The following ICE1 variants were observed in gnomAD, a reference collection of about 807,000 sequenced individuals.
ICE1 encodes interactor of little elongation complex ELL subunit 1, also known as little elongation complex subunit 1.
Under a neutral mutation model 192.7 loss-of-function variants are expected in ICE1, and 64 were observed. The observed-to-expected ratio is 0.33, with a 90% CI of 0.27 to 0.41. The LOEUF (loss-of-function observed/expected upper bound fraction) is 0.41, where lower values mean the gene tolerates loss of function less well. ICE1 is among the 10% of genes least tolerant of loss of function. The pLI is 1.00. For missense variants in ICE1, 2,708 were observed against 2,696.0 expected, an observed-to-expected ratio of 1.00 and a Z score of -0.10; for synonymous variants, 1,010 against 984.5, an observed-to-expected ratio of 1.03 and a Z score of -0.49.
At position 5,481,055 on chromosome 5, in the gene ICE1, A is replaced by G. The variant is rs1160799380; in HGVS notation, c.6520+4976A>G. ...AGGAGGGTCAGTGATGGCATTCCCCATAGTTAGGTGACATCTATATATCTG... is the reference window on the plus strand; with the variant it reads ...AGGAGGGTCAGTGATGGCATTCCCCGTAGTTAGGTGACATCTATATATCTG... On this transcript the variant is annotated intron_variant, in intron 17 of 18. Coordinates refer to ENST00000296564, the MANE Select transcript of ICE1 (RefSeq NM_015325.3). Among the ~76,000 whole-genome samples, 7 of 152,164 alleles carry G rather than the reference A, an allele frequency of 4.6e-5. No homozygotes were observed. In the East Asian group the frequency reaches 7.7e-4, roughly 17 times the overall value.
chr5:5,439,811 A>G, intron 3 of ICE1, 84 bp from the exon 4 acceptor site: 1 of 892,140 alleles, frequency 1.1e-6, no homozygotes, highest in Admixed American at 2.9e-5. Context: ...AACACAAATT[A>G]TTAAAGATAA....
intron 10 of ICE1, among the ~76,000 whole-genome samples, chr5:5,451,183 AG>A (rs1738403871): frequency 6.6e-6 from 1 of 152,204 alleles, no homozygotes; most frequent in South Asian, 2.1e-4. Context: ...CTTTGGTAAC[AG>A]AGAAAATAAG....
intron 14 of ICE1, among the ~76,000 whole-genome samples, chr5:5,468,260 T>C (rs140102210): frequency 2.0e-5 from 3 of 152,330 alleles, no homozygotes; most frequent in Non-Finnish European, 2.9e-5. Context: ...TGAGGTGATA[T>C]ACTGCAGAGC....
In ICE1 at chr5:5,466,444, T is replaced by C; in HGVS notation, c.6003T>C (p.Cys2001=). ...HALCRVYVGI[C]RQLGDLERAR... The stretch of plus-strand genomic sequence containing the variant: ...TCTGCAGGGTGTATGTGGGTATTTG[T>C]CGGCAACTCGGAGACTTGGAAAGAG... The change falls in exon 14 of 19, where the codon TGT becomes TGC. Residue 2001 remains cysteine, a synonymous_variant. Transcript: ENST00000296564. The C allele has an allele frequency of 1.9e-6, 3 of 1,613,638 alleles. No homozygotes were observed. The highest frequency in any genetic ancestry group is 1.7e-5 in the Admixed American group (1 of 59,954).
Position 5,464,996 on chromosome 5 carries a change from A to C in ICE1, c.5662A>C (p.Ser1888Arg). ...AGTTGCAACAACAAATGAGGAAAGA[A>C]GTTGTTCTAGTCCAGCCGTCAGTGC... ...AEVATTNEER[S>R]CSSPAVSAVS... Residue 1888 changes from serine (S) to arginine (R), a missense_variant, in exon 13 of 19, where the codon AGT (serine) becomes CGT (arginine). By Grantham distance (110) the Ser-to-Arg change is moderately radical. Around this residue, in one of 2 missense-constraint regions of ICE1, gnomAD observed 2,366 missense variants for 2,276.6 expected, o/e 1.04. Transcript: ENST00000296564. This position sits in a 1 kb window ranked among gnomAD's most constrained non-coding sequence, Gnocchi z 4.0. The C allele has an allele frequency of 1.2e-6, 2 of 1,613,942 alleles. No individual in the cohort carries two copies. Among genetic ancestry groups the C allele is most frequent in the Non-Finnish European group, 1.7e-6 (2 of 1,179,844 alleles).
intron 17 of ICE1, among the ~76,000 whole-genome samples, chr5:5,484,158 C>T (rs1386985646): frequency 1.3e-5 from 2 of 152,112 alleles, no homozygotes; most frequent in South Asian, 2.1e-4. Context: ...TCCATCATGG[C>T]CAATCTGTCA....
chr5:5,465,264 C>T (rs1235671093), intron 13 of ICE1, 38 bp downstream of exon 13: 1 of 1,402,996 alleles, frequency 7.1e-7, no homozygotes, highest in Non-Finnish European at 9.7e-7. Flanking sequence ...TTAGGGATTA[C>T]ATGTCCTCAA....
intron 1 of ICE1, among the ~76,000 whole-genome samples, chr5:5,431,586 G>T (rs1377976229): frequency 6.6e-6 from 1 of 152,164 alleles, no homozygotes; most frequent in Non-Finnish European, 1.5e-5. Flanking sequence ...CATTTCGAAG[G>T]CTTGCTTTCT....
chr5:5,427,207 A>G (rs1737550798), intron 1 of ICE1, among the ~76,000 whole-genome samples: 1 of 152,180 alleles, frequency 6.6e-6, no homozygotes, highest in Admixed American at 6.5e-5. Context: ...CTCACAAATC[A>G]CTTCATATCT....
rs556531306 is a variant in ICE1, at chr5:5,423,027, C to CG, written c.84+36dup. 3.7e-3 allele frequency: 4,871 copies of CG among 1,312,904 alleles called. 114 individuals are homozygous for CG. In the East Asian group the frequency reaches 0.058, roughly 16 times the overall value. 81.3% of individuals were successfully genotyped at this position (1,312,904 alleles called of 1,614,324 possible). A position where few individuals can be genotyped will look rare whatever the true frequency, so the allele number is the denominator to read the frequency against. ...GCAGCACCTCCCGGGGCCCCGGGCG[C>CG]GGGGGGGGACTCGGCTCGGCCGGCC... On this transcript the variant is annotated intron_variant, in intron 1 of 18. Transcript: ENST00000296564.
chr5:5,435,361 A>C (rs1174597956), intron 1 of ICE1, among the ~76,000 whole-genome samples: 1 of 152,246 alleles, frequency 6.6e-6, no homozygotes, highest in African/African-American at 2.4e-5. Context: ...GTAACTATCA[A>C]AATCATTTGG....
intron 1 of ICE1, among the ~76,000 whole-genome samples, chr5:5,430,256 C>T (rs1737663294): frequency 6.6e-6 from 1 of 152,080 alleles, no homozygotes; most frequent in South Asian, 2.1e-4. Flanking sequence ...TATTTAGAGG[C>T]CTTGGTTTCA....
In ICE1 at chr5:5,443,246, TA is replaced by T; in HGVS notation, c.386+4del. On this transcript the variant is annotated splice_donor_region_variant and intron_variant, in intron 6 of 18. Coordinates refer to ENST00000296564, the MANE Select transcript of ICE1 (RefSeq NM_015325.3). ...AGAATGCTTGAAGAGTGATGCTCAGTAAGTAGTTACTAAATTACTATAGAAA... is the reference window on the plus strand; with the variant it reads ...AGAATGCTTGAAGAGTGATGCTCAGTAGTAGTTACTAAATTACTATAGAAA... 7.0e-7 allele frequency: 1 copy of T among 1,434,320 alleles called. No individual in the cohort carries two copies. The highest frequency in any genetic ancestry group is 9.4e-7 in the Non-Finnish European group (1 of 1,064,854). The allele number at this position is 1,434,320 out of a possible 1,614,324, so 88.8% of individuals were successfully genotyped here. A position where few individuals can be genotyped will look rare whatever the true frequency, so the allele number is the denominator to read the frequency against.
At chr5:5,484,482 A>T (rs1739585621) in intron 17 of ICE1, among the ~76,000 whole-genome samples, 1 of 152,232 alleles carries the variant, frequency 6.6e-6, no homozygotes. Flanking sequence ...TAGCAGTTTA[A>T]TCTGATTGCA....
rs1341895277 is a variant in ICE1 at position 5,463,492 on chromosome 5, T to A, written c.4158T>A (p.Ser1386=). The A allele has an allele frequency of 1.2e-6, 2 of 1,613,224 alleles. No individual in the cohort carries two copies. Among genetic ancestry groups the A allele is most frequent in the Non-Finnish European group, 1.7e-6 (2 of 1,179,496 alleles). The change falls in exon 13 of 19, where the codon TCT becomes TCA. Residue 1386 remains serine (S), a synonymous_variant. Transcript: ENST00000296564. ...SVMEPSIEQS[S]NCEAETTFQC... ...TGGAGCCATCCATAGAGCAAAGTTCTAACTGCGAGGCCGAAACAACATTTC... is the reference window on the plus strand; with the variant it reads ...TGGAGCCATCCATAGAGCAAAGTTCAAACTGCGAGGCCGAAACAACATTTC...
intron 5 of ICE1, among the ~76,000 whole-genome samples, chr5:5,441,632 G>A (rs1266549617): frequency 2.0e-5 from 3 of 152,220 alleles, no homozygotes; most frequent in Non-Finnish European, 4.4e-5. Flanking sequence ...TATTTCTTCA[G>A]TGGCTCTGGC....
In ICE1 at chr5:5,441,696, A is replaced by G. The variant is rs537579813; in HGVS notation, c.309+473A>G. 4.3e-4 allele frequency among the ~76,000 whole-genome samples: 66 copies of G among 152,252 alleles called. 1 individual carries two copies. Among genetic ancestry groups the G allele is most frequent in the Non-Finnish European group, 2.4e-4 (16 of 68,016 alleles). Reference sequence around the variant, plus strand: ...AAGCGTGTAGGGCTTCTGCTCTGGTATGAGTTAAGATGTCCTTTAAAGAAC... The same window carrying G: ...AAGCGTGTAGGGCTTCTGCTCTGGTGTGAGTTAAGATGTCCTTTAAAGAAC... On this transcript the variant is annotated intron_variant, in intron 5 of 18. Coordinates refer to ENST00000296564, the MANE Select transcript of ICE1 (RefSeq NM_015325.3).
chr5:5,425,649 A>G (rs1250529531), intron 1 of ICE1, among the ~76,000 whole-genome samples: 1 of 152,238 alleles, frequency 6.6e-6, no homozygotes, highest in African/African-American at 2.4e-5. Context: ...AGAACCTTGA[A>G]TGGTAACCAT....
chr5:5,465,014 G>T lies in ICE1; in HGVS notation c.5680G>T (p.Val1894Phe). 6.2e-7 allele frequency: 1 copy of T among 1,613,938 alleles called. No individual in the cohort carries two copies. Among genetic ancestry groups the T allele is most frequent in the South Asian group, 1.1e-5 (1 of 91,052 alleles). Residue 1894 changes from valine to phenylalanine, a missense_variant, in exon 13 of 19, where the codon GTC (valine) becomes TTC (phenylalanine). Physicochemically the swap from Val to Phe is conservative, Grantham distance 50. Coordinates refer to ENST00000296564, the MANE Select transcript of ICE1 (RefSeq NM_015325.3). ...GGAAAGAAGTTGTTCTAGTCCAGCCGTCAGTGCAGTTTCACAGTTGCCTTT... is the reference window on the plus strand; with the variant it reads ...GGAAAGAAGTTGTTCTAGTCCAGCCTTCAGTGCAGTTTCACAGTTGCCTTT... ...NEERSCSSPA[V>F]SAVSQLPLSP...
Sources: gnomAD v4.1 joint callset for allele counts (sites outside exome capture counted in the v4.1 genomes callset) on GRCh38, gnomAD v4.1.1 for gene constraint, gnomAD v4.1.1 regional missense constraint, Gnocchi (gnomAD v3.1) non-coding constraint, MANE v1.5 for transcripts, NCBI Gene and HGNC (gene_info 2026-07-23, HGNC 2026-07-21) for gene names.